Variants in KRABD5 observed in about 807,000 individuals in gnomAD.
KRABD5 encodes KRAB domain-containing protein 5.
At chr16:31,735,273 A>G in the KRABD5 span, among the ~76,000 whole-genome samples, 4 of 152,134 alleles carry the variant, frequency 2.6e-5, no homozygotes, top group Non-Finnish European at 4.4e-5. Context: ...ATAGTAATTC[A>G]TTGTGCATTT....
the KRABD5 span, chr16:31,723,409 A>G: frequency 6.5e-7 from 1 of 1,530,430 alleles, no homozygotes; most frequent in Non-Finnish European, 8.8e-7. Context: ...AGATTAAGAA[A>G]GAACCAGACC....
At chr16:31,753,962 T>C in the KRABD5 span, 2 of 1,543,012 alleles carry the variant, frequency 1.3e-6, no homozygotes, top group East Asian at 2.4e-5. Flanking sequence ...CAACTACCTA[T>C]AACAAAAACC....
At chr16:31,756,475 C>T in the KRABD5 span, 1 of 151,608 alleles carries the variant, frequency 6.6e-6, no homozygotes, top group African/African-American at 2.4e-5. Context: ...AAAATAAAAA[C>T]ATCTTCACAG....
the KRABD5 span, among the ~76,000 whole-genome samples, chr16:31,724,299 A>G: frequency 4.9e-4 from 74 of 151,872 alleles, no homozygotes; most frequent in Non-Finnish European, 1.0e-3. Context: ...TTGATTTTAT[A>G]TATGTATACA....
At chr16:31,734,087 T>G in the KRABD5 span, among the ~76,000 whole-genome samples, 1 of 152,206 alleles carries the variant, frequency 6.6e-6, no homozygotes, top group Non-Finnish European at 1.5e-5. Flanking sequence ...GCTTTTTAAA[T>G]TGATACAATG....
the KRABD5 span, among the ~76,000 whole-genome samples, chr16:31,724,486 G>A: frequency 1.3e-5 from 2 of 151,834 alleles, no homozygotes; most frequent in African/African-American, 4.8e-5. Flanking sequence ...AGGAGATTGA[G>A]ACCATCCTGG....
At chr16:31,744,659 C>A in the KRABD5 span, among the ~76,000 whole-genome samples, 1 of 152,064 alleles carries the variant, frequency 6.6e-6, no homozygotes, top group Non-Finnish European at 1.5e-5. Context: ...TTGAGGAGTC[C>A]CTCCTTTTCA....
At chr16:31,735,817 C>T in the KRABD5 span, among the ~76,000 whole-genome samples, 1 of 152,052 alleles carries the variant, frequency 6.6e-6, no homozygotes, top group Non-Finnish European at 1.5e-5. Context: ...TCAATATTAA[C>T]CTCTTGTCAT....
At chr16:31,746,432 G>A in the KRABD5 span, among the ~76,000 whole-genome samples, 1 of 152,174 alleles carries the variant, frequency 6.6e-6, no homozygotes, top group Non-Finnish European at 1.5e-5. Flanking sequence ...TAAGAATGTT[G>A]AATATTGGCC....
the KRABD5 span, among the ~76,000 whole-genome samples, chr16:31,725,361 G>A: frequency 2.6e-5 from 4 of 152,160 alleles, no homozygotes; most frequent in South Asian, 2.1e-4. Context: ...CAAGTGATCC[G>A]CACACCTCGT....
the KRABD5 span, among the ~76,000 whole-genome samples, chr16:31,718,367 G>C: frequency 6.6e-6 from 1 of 152,208 alleles, no homozygotes; most frequent in Non-Finnish European, 1.5e-5. Context: ...GACTGAGGAT[G>C]TATAGAAAAT....
the KRABD5 span, among the ~76,000 whole-genome samples, chr16:31,745,085 TA>T: frequency 5.9e-5 from 9 of 152,128 alleles, no homozygotes; most frequent in Non-Finnish European, 1.3e-4. Context: ...TTGGTTCATT[TA>T]TTTTTTGGAG....
chr16:31,737,322 C>T, the KRABD5 span, among the ~76,000 whole-genome samples: 1 of 152,118 alleles, frequency 6.6e-6, no homozygotes, highest in Non-Finnish European at 1.5e-5. Flanking sequence ...ACACAAAAAA[C>T]CTGTTAGAAC....
At chr16:31,750,606 T>G in the KRABD5 span, among the ~76,000 whole-genome samples, 2 of 152,130 alleles carry the variant, frequency 1.3e-5, no homozygotes, top group African/African-American at 4.8e-5. Flanking sequence ...CTCATTCTTG[T>G]TTTTAAGGGG....
chr16:31,721,596 T>C, the KRABD5 span, among the ~76,000 whole-genome samples: 9 of 152,052 alleles, frequency 5.9e-5, no homozygotes, highest in Non-Finnish European at 8.8e-5. Context: ...AGAGGAAGAA[T>C]AGTATTATTT....
the KRABD5 span, among the ~76,000 whole-genome samples, chr16:31,750,939 T>C: frequency 6.6e-6 from 1 of 152,172 alleles, no homozygotes; most frequent in Non-Finnish European, 1.5e-5. Context: ...TTTGTATTTT[T>C]AGTAGAGACA....
the KRABD5 span, among the ~76,000 whole-genome samples, chr16:31,724,454 G>A: frequency 3.9e-4 from 59 of 152,118 alleles, no homozygotes; most frequent in South Asian, 1.5e-3. Context: ...TTGGGAGGCC[G>A]ATGCAGGCGG....
chr16:31,760,650 A>G, the KRABD5 span: 2 of 151,874 alleles, frequency 1.3e-5, no homozygotes, highest in Admixed American at 1.3e-4. Flanking sequence ...CTACAGATCT[A>G]TTTTTTATGT....
At chr16:31,713,315 A>G in the KRABD5 span, 2 of 1,418,136 alleles carry the variant, frequency 1.4e-6, no homozygotes, top group South Asian at 1.2e-5. Context: ...CAGTCCTTCC[A>G]TCTGGGAGGC....
Sources: gnomAD v4.1 joint callset for allele counts (sites outside exome capture counted in the v4.1 genomes callset) on GRCh38, gnomAD v4.1.1 for gene constraint, MANE v1.5 for transcripts, NCBI Gene and HGNC (gene_info 2026-07-23, HGNC 2026-07-21) for gene names.